Variants in PREP observed in about 807,000 individuals in gnomAD.
The protein encoded by PREP is prolyl endopeptidase, also known as dJ355L5.1 (prolyl endopeptidase).
Under a neutral mutation model 87.6 loss-of-function variants are expected in PREP, and 29 were observed. The observed-to-expected ratio is 0.33, with a 90% confidence interval of 0.25 to 0.45. The LOEUF is 0.45. Ranked by LOEUF, PREP falls within the 20% of genes least tolerant of loss-of-function variation. The pLI, the probability that PREP is intolerant of heterozygous loss-of-function variation, is 1.00. For missense variants in PREP, 695 were observed against 886.5 expected, an observed-to-expected ratio of 0.78 and a Z score of 2.74; for synonymous variants, 337 against 328.6, an observed-to-expected ratio of 1.03 and a Z score of -0.28.
chr6:105,366,211 T>C (rs889623796), intron 6 of PREP, among the ~76,000 whole-genome samples: 5 of 152,260 alleles, frequency 3.3e-5, no homozygotes, highest in Admixed American at 1.3e-4. Flanking sequence ...CAGCCGAGAC[T>C]GAGCCACCAC....
rs1238408468 is a variant in PREP at position 105,273,699 on chromosome 6, CCA to C, written c.*4443_*4444del. On this transcript the variant is annotated 3_prime_UTR_variant, in exon 15 of 15. Coordinates refer to ENST00000652536, the MANE Select transcript of PREP (RefSeq NM_002726.5). ...CCTAGGCTCTCCTGCTGTCAGTTTC[CCA>C]CAGTGTTGTCGGCTTTCATCTCTCA... is the stretch of plus-strand genomic sequence containing the variant. 2 of 152,340 alleles carry C rather than the reference CCA, an allele frequency of 1.3e-5. No homozygotes were observed. The highest frequency in any genetic ancestry group is 2.9e-5 in the Non-Finnish European group (2 of 68,162). The allele number at this position is 152,340 out of a possible 1,614,324, so 9.4% of individuals were successfully genotyped here.
intron 4 of PREP, 140 bp downstream of exon 4, chr6:105,375,985 T>G (rs1304084379): frequency 4.0e-6 from 4 of 991,988 alleles, no homozygotes; most frequent in Non-Finnish European, 5.6e-6. Context: ...AAAATTAGCT[T>G]TCCTGATATT....
At chr6:105,340,225 G>C (rs1771604425) in intron 7 of PREP, among the ~76,000 whole-genome samples, 1 of 152,162 alleles carries the variant, frequency 6.6e-6, no homozygotes, top group Non-Finnish European at 1.5e-5. Flanking sequence ...ACAAGAGAGT[G>C]GGGGCCAATA....
At chr6:105,287,865 G>T (rs1007131750) in intron 11 of PREP, among the ~76,000 whole-genome samples, 3 of 152,148 alleles carry the variant, frequency 2.0e-5, no homozygotes, top group African/African-American at 4.8e-5. Context: ...AATCAAGTTT[G>T]CAAATAACAG....
chr6:105,282,125 A>G (rs1770095956), intron 13 of PREP, among the ~76,000 whole-genome samples: 1 of 151,990 alleles, frequency 6.6e-6, no homozygotes, highest in African/African-American at 2.4e-5. Flanking sequence ...ATGGAGCTTT[A>G]CTCCCCAAAG....
At chr6:105,373,655 C>T in intron 4 of PREP, 77 bp from the exon 5 acceptor site, 1 of 1,357,586 alleles carries the variant, frequency 7.4e-7, no homozygotes, top group Non-Finnish European at 1.0e-6. Flanking sequence ...TCTAACAAAG[C>T]TCTCTTTCAT....
At chr6:105,324,814 G>T (rs4612204) in intron 9 of PREP, among the ~76,000 whole-genome samples, 8,012 of 152,270 alleles carry the variant, frequency 0.053, 222 homozygotes, top group Middle Eastern at 0.085. Context: ...CCGGAAAGGA[G>T]TAATACATTT....
rs1221993856 is a variant in PREP, at chr6:105,277,412, T to C, written c.*732A>G. 6.6e-6 allele frequency among the ~76,000 whole-genome samples: 1 copy of C among 152,170 alleles called. No individual in the cohort carries two copies. The highest frequency in any genetic ancestry group is 2.4e-5 in the African/African-American group (1 of 41,424). ...ACAAATAGGTGAATAATCTGAATTT[T>C]CCAGCCCAGTGATTTTTGAAAGGAG... On this transcript the variant is annotated 3_prime_UTR_variant, in exon 15 of 15. Transcript: ENST00000652536.
rs1770107377 is a variant in PREP, at chr6:105,282,600, G to A, written c.1550-18C>T. On this transcript the variant is annotated intron_variant, in intron 12 of 14. Transcript: ENST00000652536. ...GATACCACCTACAGTGTGCCAAAGT[G>A]GAAGATAGTTAATTAACAAAACATA... The A allele has an allele frequency of 6.2e-7, 1 of 1,603,516 alleles. No homozygotes were observed. Among genetic ancestry groups the A allele is most frequent in the Non-Finnish European group, 8.5e-7 (1 of 1,177,050 alleles).
At chr6:105,346,283 A>G (rs575410924) in intron 7 of PREP, among the ~76,000 whole-genome samples, 1 of 152,350 alleles carries the variant, frequency 6.6e-6, no homozygotes, top group East Asian at 1.9e-4. Context: ...AGGCAAGAAC[A>G]AAAGAGTCAG....
intron 7 of PREP, among the ~76,000 whole-genome samples, chr6:105,340,026 C>G (rs1167698331): frequency 1.3e-5 from 2 of 152,096 alleles, no homozygotes; most frequent in African/African-American, 4.8e-5. Context: ...CATTCAAATT[C>G]ACGAAATACA....
chr6:105,297,471 T>C lies in PREP; in HGVS notation c.1318-8577A>G, dbSNP rs138610636. Among the ~76,000 whole-genome samples the C allele has an allele frequency of 3.9e-5, 6 of 152,360 alleles. No homozygotes were observed. The East Asian group carries it at 1.2e-3, about 29-fold the overall frequency. On this transcript the variant is annotated intron_variant, in intron 10 of 14. Transcript: ENST00000652536. ...TGTTGTTTCTTTACTTGGTAGTTTATTGCTACCACAGTACTCAGGTTCAAG... is the reference window on the plus strand; with the variant it reads ...TGTTGTTTCTTTACTTGGTAGTTTACTGCTACCACAGTACTCAGGTTCAAG...
chr6:105,326,784 G>A (rs572571545), intron 9 of PREP, among the ~76,000 whole-genome samples: 36 of 152,254 alleles, frequency 2.4e-4, no homozygotes, highest in Middle Eastern at 3.4e-3. Flanking sequence ...ATTGCATTCG[G>A]CAGAGAAAAG....
chr6:105,293,874 C>A (rs1417814728), intron 10 of PREP, among the ~76,000 whole-genome samples: 2 of 152,300 alleles, frequency 1.3e-5, no homozygotes, highest in East Asian at 3.9e-4. Flanking sequence ...TCAAAACAGC[C>A]TAGGCATTTT....
rs556134937 is a variant in PREP at position 105,370,844 on chromosome 6, A to G, written c.596-1820T>C. Among the ~76,000 whole-genome samples, 21 of 152,350 alleles carry G rather than the reference A, an allele frequency of 1.4e-4. 1 individual carries two copies. The Middle Eastern group carries it at 0.014, about 99-fold the overall frequency. ...AAACTATAAAGACAGTAAAAAGATCAGTGACTGCCAAAGATTGGGGTGAGA... is the reference window on the plus strand; with the variant it reads ...AAACTATAAAGACAGTAAAAAGATCGGTGACTGCCAAAGATTGGGGTGAGA... On this transcript the variant is annotated intron_variant, in intron 5 of 14. Transcript: ENST00000652536.
At chr6:105,361,590 G>A (rs1473639085) in intron 6 of PREP, among the ~76,000 whole-genome samples, 1 of 152,172 alleles carries the variant, frequency 6.6e-6, no homozygotes, top group Non-Finnish European at 1.5e-5. Context: ...CTAAAAAGCA[G>A]TGACACTTGA....
At chr6:105,282,084 C>G (rs1770095065) in intron 13 of PREP, among the ~76,000 whole-genome samples, 182 bp from the exon 14 acceptor site, 1 of 152,146 alleles carries the variant, frequency 6.6e-6, no homozygotes, top group Non-Finnish European at 1.5e-5. Context: ...ACTCTGAGAT[C>G]TGTCAGAGGG....
At chr6:105,369,294 T>C (rs1772476113) in intron 5 of PREP, among the ~76,000 whole-genome samples, 1 of 152,166 alleles carries the variant, frequency 6.6e-6, no homozygotes, top group Non-Finnish European at 1.5e-5. Context: ...AACTGCAAAA[T>C]TCTGATGAAA....
At position 105,402,911 on chromosome 6, in the gene PREP, G is replaced by C; in HGVS notation, c.-20C>G. ...CAGCATGGCCGGGGACAGGCAGGGG[G>C]CAGCGTGGAGGGGCGCGGGCTCCGG... is the stretch of plus-strand genomic sequence containing the variant. On this transcript the variant is annotated 5_prime_UTR_variant, in exon 1 of 15. Transcript: ENST00000652536. The C allele has an allele frequency of 2.1e-6, 3 of 1,449,254 alleles. No individual in the cohort carries two copies. The highest frequency in any genetic ancestry group is 2.8e-6 in the Non-Finnish European group (3 of 1,074,060). The allele number at this position is 1,449,254 out of a possible 1,614,324, so 89.8% of individuals were successfully genotyped here. A position where few individuals can be genotyped will look rare whatever the true frequency, so the allele number is the denominator to read the frequency against.
Sources: gnomAD v4.1 joint callset for allele counts (sites outside exome capture counted in the v4.1 genomes callset) on GRCh38, gnomAD v4.1.1 for gene constraint, MANE v1.5 for transcripts, NCBI Gene and HGNC (gene_info 2026-07-23, HGNC 2026-07-21) for gene names.